The following SLC25A21 variants were observed in gnomAD, a reference collection of about 807,000 sequenced individuals.
SLC25A21 encodes mitochondrial 2-oxodicarboxylate carrier.
In SLC25A21, 47 loss-of-function variants were observed where a neutral mutation model predicts 43.8. That is an observed-to-expected ratio of 1.07 (90% CI 0.85 to 1.37). The LOEUF (loss-of-function observed/expected upper bound fraction) is 1.37, where lower values mean the gene tolerates loss of function less well. SLC25A21 is among the 40% of genes most tolerant of loss of function. The probability of loss-of-function intolerance (pLI) is 0.00; values close to 1 mark genes in which losing one functional copy is unlikely to be tolerated. For synonymous variants in SLC25A21, 131 were observed against 121.3 expected (o/e 1.08, Z -0.52); for missense variants, 352 against 350.2 (o/e 1.00, Z -0.04).
chr14:36,773,093 A>C (rs1886683771), intron 3 of SLC25A21, among the ~76,000 whole-genome samples: 1 of 152,068 alleles, frequency 6.6e-6, no homozygotes, highest in South Asian at 2.1e-4. Context: ...AAAATATCTC[A>C]CATTTACCAG....
At chr14:37,007,474 T>C (rs1341517530) in intron 1 of SLC25A21, among the ~76,000 whole-genome samples, 1 of 151,788 alleles carries the variant, frequency 6.6e-6, no homozygotes, top group African/African-American at 2.4e-5. Flanking sequence ...ATGGTAGCGA[T>C]TGCCTGTAAT....
At chr14:37,005,479 C>A (rs183856471) in intron 1 of SLC25A21, among the ~76,000 whole-genome samples, 1 of 152,146 alleles carries the variant, frequency 6.6e-6, no homozygotes, top group Non-Finnish European at 1.5e-5. Context: ...CAAAGATATA[C>A]AATTTTTTTC....
chr14:37,166,124 G>A (rs543769726), intron 1 of SLC25A21, among the ~76,000 whole-genome samples: 2 of 152,172 alleles, frequency 1.3e-5, no homozygotes, highest in African/African-American at 2.4e-5. Context: ...GTTCTAGGAT[G>A]CACAAATCAC....
intron 3 of SLC25A21, among the ~76,000 whole-genome samples, chr14:36,761,824 T>C (rs1356513034): frequency 2.6e-5 from 4 of 152,234 alleles, no homozygotes; most frequent in South Asian, 2.1e-4. Flanking sequence ...TTTGAGGACA[T>C]AGTTACCTCT....
chr14:37,100,945 T>C (rs1340373261), intron 1 of SLC25A21, among the ~76,000 whole-genome samples: 1 of 152,222 alleles, frequency 6.6e-6, no homozygotes, highest in Non-Finnish European at 1.5e-5. Context: ...TTAGCTATTA[T>C]TATCATTCTC....
At position 36,905,289 on chromosome 14, in the gene SLC25A21, C is replaced by A. The variant is rs369380482; in HGVS notation, c.71-30285G>T. 2.6e-5 allele frequency among the ~76,000 whole-genome samples: 4 copies of A among 152,276 alleles called. No individual in the cohort carries two copies. In the East Asian group the frequency reaches 5.8e-4, roughly 22 times the overall value. On this transcript the variant is annotated intron_variant, in intron 1 of 9. Coordinates refer to ENST00000331299, the MANE Select transcript of SLC25A21 (RefSeq NM_030631.4). ...TAGGCTGTAGGAAGTTTTTCTAAAC[C>A]TAATTGCAGGGGCCATTTGGGTTAG...
At chr14:36,919,200 G>A (rs1891910933) in intron 1 of SLC25A21, among the ~76,000 whole-genome samples, 1 of 152,068 alleles carries the variant, frequency 6.6e-6, no homozygotes, top group African/African-American at 2.4e-5. Context: ...TACAGCATTA[G>A]ATACCTTATT....
intron 1 of SLC25A21, among the ~76,000 whole-genome samples, chr14:37,155,614 C>T (rs1476971912): frequency 6.6e-6 from 1 of 151,912 alleles, no homozygotes; most frequent in Admixed American, 6.6e-5. Context: ...CCTTATAGGC[C>T]AGAAGAGAAT....
At chr14:36,923,748 A>T (rs936654290) in intron 1 of SLC25A21, among the ~76,000 whole-genome samples, 2 of 152,148 alleles carry the variant, frequency 1.3e-5, no homozygotes, top group Non-Finnish European at 2.9e-5. Context: ...AATATTTTTT[A>T]AAAATAGCAA....
intron 2 of SLC25A21, among the ~76,000 whole-genome samples, chr14:36,815,580 G>A (rs934815252): frequency 6.6e-6 from 1 of 151,644 alleles, no homozygotes; most frequent in Non-Finnish European, 1.5e-5. Context: ...CAATAAACAT[G>A]TGTCCCATTT....
chr14:37,172,432 C>T lies in SLC25A21; in HGVS notation c.-82G>A. ...CTGCACAGCCTACTGATCCAGAGAG[C>T]CCCGGCTGGGCTGGTCCTCAAGCGC... On this transcript the variant is annotated 5_prime_UTR_variant, in exon 1 of 10. Transcript: ENST00000331299. 1 of 1,436,130 alleles carries T rather than the reference C, an allele frequency of 7.0e-7. No homozygotes were observed. The highest frequency in any genetic ancestry group is 9.6e-7 in the Non-Finnish European group (1 of 1,041,518). 89.0% of individuals were successfully genotyped at this position (1,436,130 alleles called of 1,614,324 possible). A position where few individuals can be genotyped will look rare whatever the true frequency, so the allele number is the denominator to read the frequency against.
intron 1 of SLC25A21, among the ~76,000 whole-genome samples, chr14:37,153,339 C>T (rs1963791136): frequency 6.6e-6 from 1 of 152,242 alleles, no homozygotes; most frequent in Non-Finnish European, 1.5e-5. Context: ...GTTATCACTG[C>T]TGGAATGAGG....
intron 1 of SLC25A21, among the ~76,000 whole-genome samples, chr14:37,041,041 A>G (rs1961460495): frequency 6.6e-6 from 1 of 152,186 alleles, no homozygotes; most frequent in South Asian, 2.1e-4. Context: ...ACTTTTCCTC[A>G]TATTTATAGG....
intron 7 of SLC25A21, among the ~76,000 whole-genome samples, chr14:36,692,493 T>C (rs1047661103): frequency 6.6e-5 from 10 of 152,236 alleles, no homozygotes. Flanking sequence ...AAGAGGCATA[T>C]GCCTCCCCTT....
At chr14:37,119,587 G>T (rs890713802) in intron 1 of SLC25A21, among the ~76,000 whole-genome samples, 1 of 132,918 alleles carries the variant, frequency 7.5e-6, no homozygotes, top group Non-Finnish European at 1.7e-5. Context: ...GAAAAGAAAA[G>T]AACTATAAGC....
chr14:36,939,067 G>T (rs1313471797), intron 1 of SLC25A21, among the ~76,000 whole-genome samples: 1 of 152,070 alleles, frequency 6.6e-6, no homozygotes, highest in Non-Finnish European at 1.5e-5. Flanking sequence ...AATTAATGAA[G>T]TCTTCTCAAA....
At chr14:37,026,793 G>A (rs1327745355) in intron 1 of SLC25A21, among the ~76,000 whole-genome samples, 4 of 152,064 alleles carry the variant, frequency 2.6e-5, no homozygotes, top group Non-Finnish European at 5.9e-5. Context: ...AAGAAGTGCT[G>A]GTCTATGATA....
At chr14:36,692,207 A>AG (rs1882820651) in intron 7 of SLC25A21, among the ~76,000 whole-genome samples, 1 of 152,200 alleles carries the variant, frequency 6.6e-6, no homozygotes, top group Non-Finnish European at 1.5e-5. Flanking sequence ...CTCTTCAGGG[A>AG]GATCAATGAG....
At chr14:37,025,206 T>C (rs974654527) in intron 1 of SLC25A21, among the ~76,000 whole-genome samples, 1 of 152,160 alleles carries the variant, frequency 6.6e-6, no homozygotes, top group Non-Finnish European at 1.5e-5. Context: ...TCGCCAGTTA[T>C]GCATTTTGTG....
Sources: gnomAD v4.1 joint callset for allele counts (sites outside exome capture counted in the v4.1 genomes callset) on GRCh38, gnomAD v4.1.1 for gene constraint, MANE v1.5 for transcripts, NCBI Gene and HGNC (gene_info 2026-07-23, HGNC 2026-07-21) for gene names.